Variants in BRINP3 observed in about 807,000 individuals in gnomAD.
BRINP3 encodes BMP/retinoic acid inducible neural specific 3.
In BRINP3, 19 loss-of-function variants were observed where a neutral mutation model predicts 71.0. That is an observed-to-expected ratio of 0.27 (90% CI 0.19 to 0.39). The LOEUF (loss-of-function observed/expected upper bound fraction) is 0.39, where lower values mean the gene tolerates loss of function less well. Ranked by LOEUF, BRINP3 falls within the 10% of genes least tolerant of loss-of-function variation. The probability of loss-of-function intolerance (pLI) is 1.00; values close to 1 mark genes in which losing one functional copy is unlikely to be tolerated. For synonymous variants in BRINP3, 380 were observed against 337.7 expected, an observed-to-expected ratio of 1.13 and a Z score of -1.37; for missense variants, 959 against 940.8, an observed-to-expected ratio of 1.02 and a Z score of -0.25.
At chr1:190,140,680 A>T (rs567134546) in intron 7 of BRINP3, among the ~76,000 whole-genome samples, 4 of 152,340 alleles carry the variant, frequency 2.6e-5, no homozygotes, top group Admixed American at 2.6e-4. Context: ...TTGTTTTCAA[A>T]TTTAGTGAGA....
intron 6 of BRINP3, among the ~76,000 whole-genome samples, chr1:190,171,696 A>G (rs899006737): frequency 2.6e-5 from 4 of 152,216 alleles, no homozygotes; most frequent in Non-Finnish European, 4.4e-5. Flanking sequence ...GTTAAGAACA[A>G]GCATAAAATA....
At chr1:190,299,403 GT>G (rs919495528) in intron 2 of BRINP3, among the ~76,000 whole-genome samples, 52 of 149,152 alleles carry the variant, frequency 3.5e-4, no homozygotes, top group Non-Finnish European at 5.8e-4. Flanking sequence ...TACTTGAATA[GT>G]TTTTTTTCCT....
At chr1:190,387,195 T>G (rs1307529280) in intron 2 of BRINP3, among the ~76,000 whole-genome samples, 1 of 151,958 alleles carries the variant, frequency 6.6e-6, no homozygotes, top group African/African-American at 2.4e-5. Context: ...AAAGGCTAAA[T>G]CAGCTGAAGC....
In BRINP3 at chr1:190,098,278, G is replaced by T. The variant is rs199983605; in HGVS notation, c.2041C>A (p.Arg681=). 8.7e-6 allele frequency: 14 copies of T among 1,614,018 alleles called. No homozygotes were observed. Among genetic ancestry groups the T allele is most frequent in the Non-Finnish European group, 1.2e-5 (14 of 1,180,046 alleles). The part of the protein sequence containing the change: ...YSMHFDPEAI[R]DLILQLDYPY... ...TAGTCCAGCTGCAAAATCAGGTCCC[G>T]AATTGCTTCAGGGTCAAAGTGCATG... The change falls in exon 8 of 8, where the codon CGG becomes AGG. Residue 681 remains arginine, a synonymous_variant. Coordinates refer to ENST00000367462, the MANE Select transcript of BRINP3 (RefSeq NM_199051.3).
intron 3 of BRINP3, among the ~76,000 whole-genome samples, chr1:190,270,262 C>T (rs1661992447): frequency 6.6e-6 from 1 of 151,590 alleles, no homozygotes; most frequent in Non-Finnish European, 1.5e-5. Context: ...TAAAGAAACA[C>T]TTTTGGAAGA....
chr1:190,389,016 T>C (rs1328677461), intron 2 of BRINP3, among the ~76,000 whole-genome samples: 2 of 151,728 alleles, frequency 1.3e-5, no homozygotes, highest in Non-Finnish European at 2.9e-5. Context: ...CTTGAATTAA[T>C]GCTGAATAAA....
At chr1:190,202,058 A>G (rs1209623338) in intron 6 of BRINP3, among the ~76,000 whole-genome samples, 2 of 152,092 alleles carry the variant, frequency 1.3e-5, no homozygotes, top group Admixed American at 1.3e-4. Flanking sequence ...CTTGCACCAT[A>G]TGCCTGGAAA....
intron 2 of BRINP3, among the ~76,000 whole-genome samples, chr1:190,402,713 T>C (rs957294794): frequency 3.9e-5 from 6 of 152,178 alleles, no homozygotes; most frequent in African/African-American, 1.4e-4. Flanking sequence ...ACTTTATTTA[T>C]TTGTTCTTCA....
At chr1:190,390,720 C>T (rs1187023738) in intron 2 of BRINP3, among the ~76,000 whole-genome samples, 1 of 151,664 alleles carries the variant, frequency 6.6e-6, no homozygotes, top group East Asian at 1.9e-4. Context: ...TGGTGAAGGC[C>T]ACAGGAGACG....
At chr1:190,470,616 A>C (rs1475569720) in intron 1 of BRINP3, among the ~76,000 whole-genome samples, 4 of 151,192 alleles carry the variant, frequency 2.6e-5, no homozygotes, top group Non-Finnish European at 3.0e-5. Context: ...AACATTGACA[A>C]ATTATGAATA....
At chr1:190,253,548 T>C (rs1361612158) in intron 4 of BRINP3, among the ~76,000 whole-genome samples, 4 of 152,310 alleles carry the variant, frequency 2.6e-5, no homozygotes, top group Non-Finnish European at 4.4e-5. Flanking sequence ...TTTTTTCATG[T>C]GTCTGTTGGC....
chr1:190,246,700 G>A (rs771361586), intron 4 of BRINP3, among the ~76,000 whole-genome samples: 31 of 152,026 alleles, frequency 2.0e-4, no homozygotes, highest in East Asian at 3.9e-4. Flanking sequence ...TGAACTAAAT[G>A]AAACCTGATG....
chr1:190,369,699 T>C (rs1476196930), intron 2 of BRINP3, among the ~76,000 whole-genome samples: 5 of 152,078 alleles, frequency 3.3e-5, no homozygotes, highest in Non-Finnish European at 7.4e-5. Context: ...AGAGTATTTA[T>C]GTACTTTCTG....
chr1:190,321,111 A>G (rs758365849), intron 2 of BRINP3, among the ~76,000 whole-genome samples: 34 of 152,222 alleles, frequency 2.2e-4, no homozygotes, highest in Admixed American at 1.5e-3. Flanking sequence ...GTATAGGGGC[A>G]GGGCCAGACT....
chr1:190,396,276 T>A (rs992462316), intron 2 of BRINP3, among the ~76,000 whole-genome samples: 2 of 151,924 alleles, frequency 1.3e-5, no homozygotes, highest in African/African-American at 2.4e-5. Context: ...AATTACCAGC[T>A]TTTAGTTCCG....
chr1:190,116,988 G>C (rs1432719618), intron 7 of BRINP3, among the ~76,000 whole-genome samples: 1 of 152,010 alleles, frequency 6.6e-6, no homozygotes, highest in Non-Finnish European at 1.5e-5. Flanking sequence ...GTTACAGTTG[G>C]TGAAAAGGGA....
At position 190,323,621 on chromosome 1, in the gene BRINP3, T is replaced by G. The variant is rs149525449; in HGVS notation, c.237-41871A>C. Among the ~76,000 whole-genome samples, 240 of 151,934 alleles carry G rather than the reference T, an allele frequency of 1.6e-3. 1 individual carries two copies. The highest frequency in any genetic ancestry group is 5.6e-3 in the African/African-American group (232 of 41,502). On this transcript the variant is annotated intron_variant, in intron 2 of 7. Coordinates refer to ENST00000367462, the MANE Select transcript of BRINP3 (RefSeq NM_199051.3). ...ACAAAAAAAAAAAAATAAGAATTTT[T>G]TTCTTATTTTGCATTAAGGCTGCTT...
chr1:190,466,446 A>G (rs1676755732), intron 1 of BRINP3, among the ~76,000 whole-genome samples: 2 of 151,798 alleles, frequency 1.3e-5, no homozygotes, highest in Admixed American at 1.3e-4. Context: ...AATAAATATT[A>G]CATTTAAGGA....
intron 7 of BRINP3, among the ~76,000 whole-genome samples, chr1:190,151,296 T>C (rs1190290286): frequency 1.3e-5 from 2 of 152,198 alleles, no homozygotes; most frequent in Non-Finnish European, 2.9e-5. Flanking sequence ...AACTTAATTA[T>C]ATTTAAAAAG....
Sources: allele counts gnomAD v4.1 joint callset (sites outside exome capture counted in the v4.1 genomes callset), GRCh38; gene constraint gnomAD v4.1.1; transcripts MANE v1.5; gene names NCBI Gene and HGNC (gene_info 2026-07-23, HGNC 2026-07-21).